SLC28A3: variants seen among roughly 807,000 people sequenced by gnomAD.
SLC28A3 encodes the protein solute carrier family 28 member 3.
Under a neutral mutation model 84.2 loss-of-function variants are expected in SLC28A3, and 68 were observed. That is an observed-to-expected ratio of 0.81 (90% confidence interval 0.66 to 0.99). SLC28A3 has a LOEUF of 0.99. Ranked by LOEUF, SLC28A3 falls within the 50% of genes least tolerant of loss-of-function variation. The pLI, the probability that SLC28A3 is intolerant of heterozygous loss-of-function variation, is 0.00. For synonymous variants in SLC28A3, 267 were observed against 303.6 expected, an observed-to-expected ratio of 0.88 and a Z score of 1.25; for missense variants, 712 against 841.5, an observed-to-expected ratio of 0.85 and a Z score of 1.90.
chr9:84,321,583 A>C (rs1027407297), intron 1 of SLC28A3, among the ~76,000 whole-genome samples: 2 of 151,218 alleles, frequency 1.3e-5, no homozygotes, highest in Non-Finnish European at 2.9e-5. Context: ...AATACAAAAA[A>C]ATTAGCCAGG....
chr9:84,365,378 T>G, the SLC28A3 span, among the ~76,000 whole-genome samples: 1 of 152,228 alleles, frequency 6.6e-6, no homozygotes, highest in Admixed American at 6.5e-5. Flanking sequence ...TATTAGATTT[T>G]TTTTCCTATA....
rs1036176955 is a variant in SLC28A3 at position 84,276,696 on chromosome 9, C to T, written c.*1522G>A. On this transcript the variant is annotated 3_prime_UTR_variant, in exon 18 of 18. Coordinates refer to ENST00000376238, the MANE Select transcript of SLC28A3 (RefSeq NM_001199633.2). ...ATAAGAAATATTTTAGTATATCATA[C>T]TTCAGGGATAAACAGTCCTCTGGAC... The T allele has an allele frequency of 6.9e-6, 1 of 145,624 alleles. No individual in the cohort carries two copies. The highest frequency in any genetic ancestry group is 2.7e-5 in the African/African-American group (1 of 37,394). The allele number at this position is 145,624 out of a possible 1,614,324, so 9.0% of individuals were successfully genotyped here.
chr9:84,362,095 A>G, the SLC28A3 span, among the ~76,000 whole-genome samples: 3 of 152,124 alleles, frequency 2.0e-5, no homozygotes, highest in East Asian at 5.8e-4. Context: ...TGTGTTACTA[A>G]AACTTGTTGA....
chr9:84,290,224 A>G lies in SLC28A3; in HGVS notation c.1079T>C (p.Leu360Pro). ...GAACCCGGCGGTCATGATGGCGTGG[A>G]GTTCAGACTTGGTGATGTAAGGTAA... Reference protein sequence around the residue: ...PYLPYITKSELHAIMTAGFST... With the variant: ...PYLPYITKSEPHAIMTAGFST... The change falls in exon 11 of 18, where the codon CTC becomes CCC. Residue 360 changes from leucine to proline, a missense_variant. Physicochemically the swap from Leu to Pro is moderately conservative, Grantham distance 98 (BLOSUM62 -3). Transcript: ENST00000376238. 2 of 1,614,134 alleles carry G rather than the reference A, an allele frequency of 1.2e-6. No individual in the cohort carries two copies. Among genetic ancestry groups the G allele is most frequent in the Non-Finnish European group, 1.7e-6 (2 of 1,179,980 alleles).
chr9:84,307,464 G>A (rs1588593896), intron 3 of SLC28A3, among the ~76,000 whole-genome samples: 3 of 134,776 alleles, frequency 2.2e-5, no homozygotes, highest in African/African-American at 8.8e-5. Flanking sequence ...AAAACAAAAA[G>A]AAAGAATAAA....
intron 3 of SLC28A3, among the ~76,000 whole-genome samples, chr9:84,306,023 C>T (rs919198699): frequency 2.0e-5 from 3 of 151,990 alleles, no homozygotes; most frequent in Admixed American, 6.6e-5. Context: ...GTCATGTCTT[C>T]GGAGGAGGAT....
At chr9:84,325,864 A>G in intron 1 of SLC28A3, among the ~76,000 whole-genome samples, 1 of 152,190 alleles carries the variant, frequency 6.6e-6, no homozygotes, top group Non-Finnish European at 1.5e-5. Flanking sequence ...TTTTACTTTC[A>G]AACAACACAA....
rs12350413 is a variant in SLC28A3 at position 84,277,901 on chromosome 9, G to T, written c.*317C>A. 7.6e-3 allele frequency: 1,959 copies of T among 258,022 alleles called. 41 individuals are homozygous for T. Among genetic ancestry groups the T allele is most frequent in the African/African-American group, 0.04 (1,843 of 45,724 alleles). The allele number at this position is 258,022 out of a possible 1,614,324, so 16.0% of individuals were successfully genotyped here. A position where few individuals can be genotyped will look rare whatever the true frequency, so the allele number is the denominator to read the frequency against. ...GAGTCAGAGCCCAGTTGTTGGGAGC[G>T]GCCGTTTATAGCTGTATTCTGGTGA... On this transcript the variant is annotated 3_prime_UTR_variant, in exon 18 of 18. Coordinates refer to ENST00000376238, the MANE Select transcript of SLC28A3 (RefSeq NM_001199633.2).
chr9:84,286,264 T>G (rs1184181908), intron 12 of SLC28A3, among the ~76,000 whole-genome samples, 153 bp from the exon 13 acceptor site: 3 of 152,184 alleles, frequency 2.0e-5, no homozygotes, highest in African/African-American at 7.2e-5. Flanking sequence ...CATGACATCA[T>G]GAAGTGGGCA....
In SLC28A3 at chr9:84,302,337, A is replaced by G. The variant is rs745582885; in HGVS notation, c.387T>C (p.Leu129=). ...SACVLNFHRA[L]PLFVITVAAI... is the part of the protein sequence containing the mutation. Reference sequence around the variant, plus strand: ...CAGCCACGGTGATCACAAAAAGAGGAAGGGCTCTGTGAAAGTTCAGCACAC... The same window carrying G: ...CAGCCACGGTGATCACAAAAAGAGGGAGGGCTCTGTGAAAGTTCAGCACAC... Residue 129 remains leucine, a synonymous_variant, in exon 5 of 18, where the codon CTT becomes CTC. Coordinates refer to ENST00000376238, the MANE Select transcript of SLC28A3 (RefSeq NM_001199633.2). The G allele has an allele frequency of 1.9e-6, 3 of 1,614,008 alleles. No individual in the cohort carries two copies. The African/African-American group carries it at 4.0e-5, about 22-fold the overall frequency.
At chr9:84,339,150 C>T (rs1436584732) in intron 1 of SLC28A3, among the ~76,000 whole-genome samples, 2 of 152,122 alleles carry the variant, frequency 1.3e-5, no homozygotes, top group Non-Finnish European at 2.9e-5. Context: ...AGTCATTTCA[C>T]TATTTGCCGT....
chr9:84,340,997 A>T (rs1554731816), upstream of SLC28A3, among the ~76,000 whole-genome samples: 1 of 141,650 alleles, frequency 7.1e-6, no homozygotes, highest in African/African-American at 2.6e-5. Flanking sequence ...TTTTTTTGAG[A>T]TGGAGTCTCA....
intron 1 of SLC28A3, among the ~76,000 whole-genome samples, chr9:84,323,802 A>G (rs1334280438): frequency 1.3e-5 from 2 of 150,912 alleles, no homozygotes; most frequent in Admixed American, 6.6e-5. Context: ...ACCTTCCCCA[A>G]TGACATCCCC....
chr9:84,361,072 G>T, the SLC28A3 span, among the ~76,000 whole-genome samples: 1 of 152,204 alleles, frequency 6.6e-6, no homozygotes. Flanking sequence ...CAGGCCGGGT[G>T]CGGTGGCTCA....
chr9:84,330,412 G>A (rs1826735187), intron 1 of SLC28A3, among the ~76,000 whole-genome samples: 1 of 152,152 alleles, frequency 6.6e-6, no homozygotes, highest in South Asian at 2.1e-4. Flanking sequence ...AACCAGATCT[G>A]TGTGTGTGTA....
intron 10 of SLC28A3, 36 bp from the exon 11 acceptor site, chr9:84,290,315 A>C: frequency 6.2e-7 from 1 of 1,610,868 alleles, no homozygotes; most frequent in Non-Finnish European, 8.5e-7. Flanking sequence ...TTCCTTTTTA[A>C]ATCTGTGTGG....
At chr9:84,284,119 C>T (rs1459005923) in intron 14 of SLC28A3, among the ~76,000 whole-genome samples, 3 of 152,200 alleles carry the variant, frequency 2.0e-5, no homozygotes, top group African/African-American at 4.8e-5. Flanking sequence ...CCGGTTTGCT[C>T]ATTAACAAAA....
the SLC28A3 span, among the ~76,000 whole-genome samples, chr9:84,348,844 C>T: frequency 6.6e-6 from 1 of 152,166 alleles, no homozygotes. Context: ...CAAAGGCCCT[C>T]TCCAGCGGCT....
At chr9:84,333,326 A>G (rs1437470483) in intron 1 of SLC28A3, among the ~76,000 whole-genome samples, 1 of 152,160 alleles carries the variant, frequency 6.6e-6, no homozygotes, top group Non-Finnish European at 1.5e-5. Context: ...ACATGGGGGA[A>G]GCGTGTAGCT....
Sources: allele counts gnomAD v4.1 joint callset (sites outside exome capture counted in the v4.1 genomes callset), GRCh38; gene constraint gnomAD v4.1.1; transcripts MANE v1.5; gene names NCBI Gene and HGNC (gene_info 2026-07-23, HGNC 2026-07-21).